Variants in CALCR observed in about 807,000 individuals in gnomAD.
The protein encoded by CALCR is calcitonin receptor.
Under a neutral mutation model 59.5 loss-of-function variants are expected in CALCR, and 47 were observed. The ratio of observed to expected loss-of-function variants is 0.79; its 90% CI spans 0.63 to 1.01. The LOEUF is 1.01. Among genes scored for constraint, CALCR ranks in the 50% least tolerant of loss-of-function variants. The probability of loss-of-function intolerance (pLI) is 0.00; values close to 1 mark genes in which losing one functional copy is unlikely to be tolerated. For synonymous variants in CALCR, 213 were observed against 211.3 expected (o/e 1.01, Z -0.07); for missense variants, 566 against 597.1 (o/e 0.95, Z 0.54).
chr7:93,444,600 C>T (rs1010376286), intron 8 of CALCR, among the ~76,000 whole-genome samples: 2 of 151,978 alleles, frequency 1.3e-5, no homozygotes, highest in Admixed American at 6.6e-5. Context: ...ATGTTAGTGG[C>T]ATCTCCCACA....
intron 2 of CALCR, among the ~76,000 whole-genome samples, chr7:93,548,221 T>C (rs12670169): frequency 6.6e-6 from 1 of 151,930 alleles, no homozygotes; most frequent in African/African-American, 2.4e-5. Flanking sequence ...AACAAAACAA[T>C]AGCCCACCTC....
intron 2 of CALCR, among the ~76,000 whole-genome samples, chr7:93,521,207 T>C (rs1401471641): frequency 6.6e-6 from 1 of 152,138 alleles, no homozygotes; most frequent in Non-Finnish European, 1.5e-5. Flanking sequence ...GATTGATTTG[T>C]TGCCAGTAAG....
At chr7:93,541,619 T>C (rs1450929388) in intron 2 of CALCR, among the ~76,000 whole-genome samples, 1 of 152,212 alleles carries the variant, frequency 6.6e-6, no homozygotes, top group Non-Finnish European at 1.5e-5. Context: ...AGGTGTTTTA[T>C]GTTCTCTTGG....
At chr7:93,534,754 C>T (rs1409946189) in intron 2 of CALCR, among the ~76,000 whole-genome samples, 3 of 151,792 alleles carry the variant, frequency 2.0e-5, no homozygotes, top group African/African-American at 7.2e-5. Context: ...CAAATCATTG[C>T]AGCACAAGGC....
chr7:93,544,399 G>A (rs1240009829), intron 2 of CALCR, among the ~76,000 whole-genome samples: 1 of 151,910 alleles, frequency 6.6e-6, no homozygotes, highest in African/African-American at 2.4e-5. Flanking sequence ...TAGTAAATTT[G>A]AACATTTTTC....
In CALCR at chr7:93,429,520, A is replaced by C. The variant is rs149988426; in HGVS notation, c.1192-2931T>G. The stretch of plus-strand genomic sequence containing the variant: ...CTTATAAAAATAGAGCCCTGGCCTC[A>C]CAGTTTGAAGACTTAACTATTATAC... On this transcript the variant is annotated intron_variant, in intron 13 of 13. Transcript: ENST00000426151. Among the ~76,000 whole-genome samples, 674 of 152,334 alleles carry C rather than the reference A, an allele frequency of 4.4e-3. 8 individuals carry two copies. Among genetic ancestry groups the C allele is most frequent in the African/African-American group, 0.015 (643 of 41,586 alleles).
chr7:93,446,622 C>A (rs1800010851), intron 8 of CALCR, among the ~76,000 whole-genome samples: 1 of 151,930 alleles, frequency 6.6e-6, no homozygotes, highest in African/African-American at 2.4e-5. Context: ...TTAATTATAA[C>A]CTTTCTGTCA....
chr7:93,492,312 A>G (rs1186642642), intron 2 of CALCR, among the ~76,000 whole-genome samples: 1 of 151,376 alleles, frequency 6.6e-6, no homozygotes, highest in Non-Finnish European at 1.5e-5. Flanking sequence ...TATTTTTTAA[A>G]AAGAAAAAAA....
intron 2 of CALCR, among the ~76,000 whole-genome samples, chr7:93,525,507 A>G (rs1223248011): frequency 6.6e-6 from 1 of 152,220 alleles, no homozygotes; most frequent in Non-Finnish European, 1.5e-5. Context: ...AGAGCAGGTC[A>G]TGGTGTGTAT....
chr7:93,456,445 AAC>A (rs1225419917), intron 8 of CALCR, among the ~76,000 whole-genome samples: 1 of 152,064 alleles, frequency 6.6e-6, no homozygotes, highest in Non-Finnish European at 1.5e-5. Flanking sequence ...GAAAAAAAAA[AAC>A]AGTTTGAAAG....
intron 2 of CALCR, among the ~76,000 whole-genome samples, chr7:93,520,432 G>A (rs904292333): frequency 2.0e-5 from 3 of 152,084 alleles, no homozygotes; most frequent in African/African-American, 7.2e-5. Flanking sequence ...CATTAAGAGA[G>A]TAAATGGAAT....
chr7:93,568,759 A>C (rs1045765764), intron 2 of CALCR, among the ~76,000 whole-genome samples: 1 of 151,934 alleles, frequency 6.6e-6, no homozygotes, highest in African/African-American at 2.4e-5. Flanking sequence ...CTATGCTGTC[A>C]GCTGAAATAG....
Position 93,455,899 on chromosome 7 carries a change from G to A in CALCR, c.648+4922C>T, listed in dbSNP as rs573314498. Reference sequence around the variant, plus strand: ...CACCATGTGTGTTCCTGTTGGTGGTGGCACATAAGCAGTTTCAAGGATGAA... The same window carrying A: ...CACCATGTGTGTTCCTGTTGGTGGTAGCACATAAGCAGTTTCAAGGATGAA... On this transcript the variant is annotated intron_variant, in intron 8 of 13. Coordinates refer to ENST00000426151, the MANE Select transcript of CALCR (RefSeq NM_001742.4). Among the ~76,000 whole-genome samples, 37 of 152,174 alleles carry A rather than the reference G, an allele frequency of 2.4e-4. 1 individual carries two copies. Among genetic ancestry groups the A allele is most frequent in the Middle Eastern group, 3.4e-3 (1 of 294 alleles).
intron 2 of CALCR, among the ~76,000 whole-genome samples, chr7:93,537,755 TAAAC>T (rs964631366): frequency 6.6e-5 from 10 of 151,698 alleles, no homozygotes; most frequent in African/African-American, 2.4e-4. Flanking sequence ...CATATATATA[TAAAC>T]AATCTGGATG....
intron 2 of CALCR, among the ~76,000 whole-genome samples, chr7:93,561,935 C>T (rs1481153231): frequency 7.0e-6 from 1 of 143,552 alleles, no homozygotes; most frequent in Non-Finnish European, 1.5e-5. Context: ...AGGTTTAAAT[C>T]CTGCCTCTGC....
intron 2 of CALCR, among the ~76,000 whole-genome samples, chr7:93,491,463 AC>A (rs1386577475): frequency 1.3e-5 from 2 of 152,128 alleles, no homozygotes; most frequent in African/African-American, 2.4e-5. Flanking sequence ...ATCAGAGTGA[AC>A]CAGCAATCTA....
At chr7:93,486,570 A>G (rs985503349) in intron 3 of CALCR, among the ~76,000 whole-genome samples, 1 of 151,584 alleles carries the variant, frequency 6.6e-6, no homozygotes, top group African/African-American at 2.4e-5. Context: ...TTCAAATCAT[A>G]GTTTTGAACT....
intron 2 of CALCR, among the ~76,000 whole-genome samples, chr7:93,489,195 C>G (rs1584578156): frequency 6.6e-6 from 1 of 151,538 alleles, no homozygotes; most frequent in Admixed American, 6.6e-5. Flanking sequence ...AGGCAGAAAT[C>G]AAGAAGTTCT....
intron 3 of CALCR, chr7:93,484,137 C>A: frequency 6.5e-6 from 2 of 307,276 alleles, no homozygotes; most frequent in Admixed American, 3.4e-5. Flanking sequence ...GTGAACCAAA[C>A]TGGCAAGCCA....
Sources: gnomAD v4.1 joint callset for allele counts (sites outside exome capture counted in the v4.1 genomes callset) on GRCh38, gnomAD v4.1.1 for gene constraint, MANE v1.5 for transcripts, NCBI Gene and HGNC (gene_info 2026-07-23, HGNC 2026-07-21) for gene names.